PPP1R17: variants seen among roughly 807,000 people sequenced by gnomAD.
The protein encoded by PPP1R17 is G-substrate.
PPP1R17 carries 12 observed loss-of-function variants against 15.9 expected under a neutral mutation model. The observed-to-expected ratio is 0.75, with a 90% confidence interval of 0.48 to 1.22. PPP1R17 has a LOEUF of 1.22. Among genes scored for constraint, PPP1R17 ranks in the 50% most tolerant of loss-of-function variants. The probability of loss-of-function intolerance (pLI) is 0.00; values close to 1 mark genes in which losing one functional copy is unlikely to be tolerated. For synonymous variants in PPP1R17, 63 were observed against 64.5 expected (o/e 0.98, Z 0.11); for missense variants, 211 against 187.3 (o/e 1.13, Z -0.74).
At chr7:31,703,732 A>T (rs1330088536) in intron 4 of PPP1R17, among the ~76,000 whole-genome samples, 4 of 152,150 alleles carry the variant, frequency 2.6e-5, no homozygotes, top group Non-Finnish European at 5.9e-5. Context: ...AGACAAATAC[A>T]CTCTGGAGAC....
chr7:31,701,160 T>C lies in PPP1R17; in HGVS notation c.388+4043T>C, dbSNP rs557862283. On this transcript the variant is annotated intron_variant, in intron 4 of 4. Coordinates refer to ENST00000342032, the MANE Select transcript of PPP1R17 (RefSeq NM_006658.5). ...TGGACAAAGTAAACTGAAAACCTTC[T>C]GGAAACAATTTGGTATTCTAGATGC... Among the ~76,000 whole-genome samples the C allele has an allele frequency of 2.8e-4, 42 of 152,326 alleles. No individual in the cohort carries two copies. In the South Asian group the frequency reaches 6.8e-3, roughly 25 times the overall value.
intron 4 of PPP1R17, among the ~76,000 whole-genome samples, chr7:31,705,950 A>G (rs983749217): frequency 2.0e-5 from 3 of 147,676 alleles, no homozygotes; most frequent in African/African-American, 7.5e-5. Flanking sequence ...CAGTCCAGAA[A>G]ATTGTGCTCA....
At chr7:31,692,359 T>C in intron 1 of PPP1R17, 47 bp from the exon 2 acceptor site, 1 of 1,102,990 alleles carries the variant, frequency 9.1e-7, no homozygotes, top group Non-Finnish European at 1.4e-6. Context: ...ATTGAATGAA[T>C]GAATAAACAG....
intron 4 of PPP1R17, among the ~76,000 whole-genome samples, chr7:31,703,509 A>C (rs978698858): frequency 6.6e-6 from 1 of 152,200 alleles, no homozygotes; most frequent in African/African-American, 2.4e-5. Flanking sequence ...GAATCAGCAA[A>C]TCTCTATATC....
At chr7:31,699,256 T>C (rs1424608298) in intron 4 of PPP1R17, among the ~76,000 whole-genome samples, 1 of 152,116 alleles carries the variant, frequency 6.6e-6, no homozygotes, top group Non-Finnish European at 1.5e-5. Flanking sequence ...CCTTACCTCA[T>C]TTAACACTGA....
At chr7:31,701,292 A>G (rs1792838870) in intron 4 of PPP1R17, among the ~76,000 whole-genome samples, 1 of 152,190 alleles carries the variant, frequency 6.6e-6, no homozygotes. Flanking sequence ...GAGGTTCAAG[A>G]CTTCAGTGGA....
chr7:31,697,191 CA>C, intron 4 of PPP1R17, 74 bp downstream of exon 4: 1 of 1,551,462 alleles, frequency 6.4e-7, no homozygotes, highest in South Asian at 1.2e-5. Context: ...TGGAGGTCCC[CA>C]GGGCCTGGCC....
intron 4 of PPP1R17, among the ~76,000 whole-genome samples, chr7:31,697,693 C>T (rs965207578): frequency 3.9e-5 from 6 of 152,118 alleles, no homozygotes; most frequent in Non-Finnish European, 8.8e-5. Flanking sequence ...TAGAGTATGA[C>T]TCTGTGTGTA....
chr7:31,693,637 C>T (rs191253113), intron 2 of PPP1R17, among the ~76,000 whole-genome samples: 6 of 152,192 alleles, frequency 3.9e-5, no homozygotes, highest in African/African-American at 1.4e-4. Context: ...TCATATTTAA[C>T]AACTGATAAA....
At chr7:31,691,877 T>C (rs1464039673) in intron 1 of PPP1R17, among the ~76,000 whole-genome samples, 1 of 151,308 alleles carries the variant, frequency 6.6e-6, no homozygotes, top group Non-Finnish European at 1.5e-5. Flanking sequence ...AAAGGATTCA[T>C]TTTATTTTTA....
At chr7:31,703,687 C>T (rs769210850) in intron 4 of PPP1R17, among the ~76,000 whole-genome samples, 1 of 152,210 alleles carries the variant, frequency 6.6e-6, no homozygotes, top group Non-Finnish European at 1.5e-5. Context: ...GAAGGACTCA[C>T]ATTGGTTCTA....
At chr7:31,692,340 T>C in intron 1 of PPP1R17, 66 bp from the exon 2 acceptor site, 1 of 949,168 alleles carries the variant, frequency 1.1e-6, no homozygotes, top group Non-Finnish European at 1.6e-6. Context: ...TATATTTACT[T>C]AGCAAATGAT....
chr7:31,690,045 A>G (rs940398789), intron 1 of PPP1R17, among the ~76,000 whole-genome samples: 2 of 152,220 alleles, frequency 1.3e-5, no homozygotes, highest in African/African-American at 4.8e-5. Flanking sequence ...CACCTTGTCC[A>G]GGGGCCTCTG....
At chr7:31,694,857 T>C in intron 2 of PPP1R17, among the ~76,000 whole-genome samples, 1 of 151,974 alleles carries the variant, frequency 6.6e-6, no homozygotes. Context: ...TGCAGAGGAT[T>C]GAGAAAAGTA....
Position 31,692,399 on chromosome 7 carries a change from T to C in PPP1R17, c.-36-7T>C. Reference sequence around the variant, plus strand: ...ATACTTATTAACTGTTTTTTATACTTCCTTAGTGCTGGAGAAGAAATACAT... The same window carrying C: ...ATACTTATTAACTGTTTTTTATACTCCCTTAGTGCTGGAGAAGAAATACAT... On this transcript the variant is annotated splice_region_variant and splice_polypyrimidine_tract_variant and intron_variant, in intron 1 of 4. Transcript: ENST00000342032. The C allele has an allele frequency of 6.8e-7, 1 of 1,467,842 alleles. No homozygotes were observed. Among genetic ancestry groups the C allele is most frequent in the Non-Finnish European group, 9.5e-7 (1 of 1,051,170 alleles). 90.9% of individuals were successfully genotyped at this position (1,467,842 alleles called of 1,614,324 possible).
chr7:31,689,655 T>A (rs928218331), intron 1 of PPP1R17, among the ~76,000 whole-genome samples: 2 of 152,008 alleles, frequency 1.3e-5, no homozygotes, highest in African/African-American at 4.8e-5. Context: ...AGTTGAGAGA[T>A]GGGGTCATTA....
At chr7:31,699,718 T>G (rs1476867902) in intron 4 of PPP1R17, among the ~76,000 whole-genome samples, 1 of 152,170 alleles carries the variant, frequency 6.6e-6, no homozygotes, top group Non-Finnish European at 1.5e-5. Context: ...CACCATTTTT[T>G]CAATAGCATG....
chr7:31,694,382 T>TAACACACA (rs1169030136), intron 2 of PPP1R17, among the ~76,000 whole-genome samples: 2 of 104,786 alleles, frequency 1.9e-5, no homozygotes, highest in African/African-American at 8.0e-5. Flanking sequence ...TCTCTCTCTC[T>TAACACACA]CTCAAACACA....
At position 31,707,376 on chromosome 7, in the gene PPP1R17, G is replaced by C; in HGVS notation, c.*93G>C. 9.2e-7 allele frequency: 1 copy of C among 1,092,128 alleles called. No individual in the cohort carries two copies. Among genetic ancestry groups the C allele is most frequent in the Non-Finnish European group, 1.3e-6 (1 of 759,384 alleles). The allele number at this position is 1,092,128 out of a possible 1,614,324, so 67.7% of individuals were successfully genotyped here. On this transcript the variant is annotated 3_prime_UTR_variant, in exon 5 of 5. Coordinates refer to ENST00000342032, the MANE Select transcript of PPP1R17 (RefSeq NM_006658.5). ...TAGACTTGTTTCTGCTCTCATTTTT[G>C]TCATCGTCTGACTTGAAGATTCAGA... is the stretch of plus-strand genomic sequence containing the variant.
Sources: allele counts gnomAD v4.1 joint callset (sites outside exome capture counted in the v4.1 genomes callset), GRCh38; gene constraint gnomAD v4.1.1; transcripts MANE v1.5; gene names NCBI Gene and HGNC (gene_info 2026-07-23, HGNC 2026-07-21).